The following LOC400499 variants were observed in gnomAD, a reference collection of about 807,000 sequenced individuals.
chr16:11,524,837 G>A, the LOC400499 span, among the ~76,000 whole-genome samples: 5 of 150,700 alleles, frequency 3.3e-5, no homozygotes, highest in Admixed American at 1.3e-4. Context: ...ATCTTTCCCA[G>A]GCATCACCCG....
chr16:11,442,954 AG>A, the LOC400499 span, among the ~76,000 whole-genome samples: 1 of 152,100 alleles, frequency 6.6e-6, no homozygotes, highest in African/African-American at 2.4e-5. Flanking sequence ...TGGTGAAGGG[AG>A]CCCCCAGAAA....
At chr16:11,462,042 A>G in the LOC400499 span, 13 of 1,301,230 alleles carry the variant, frequency 1.0e-5, no homozygotes, top group African/African-American at 1.1e-4. Flanking sequence ...GATGAGGACC[A>G]TAAGGAGGCA....
chr16:11,455,732 C>G, the LOC400499 span, among the ~76,000 whole-genome samples: 5 of 94,332 alleles, frequency 5.3e-5, no homozygotes, highest in African/African-American at 2.1e-4. Flanking sequence ...AAGACTCCGT[C>G]TCAAAAAAGA....
At chr16:11,438,534 G>A in the LOC400499 span, among the ~76,000 whole-genome samples, 304 of 148,500 alleles carry the variant, frequency 2.0e-3, 2 homozygotes, top group African/African-American at 7.3e-3. Context: ...ACCTTGGGAG[G>A]CCAAGGGAAG....
At chr16:11,476,887 A>G in the LOC400499 span, 2 of 399,494 alleles carry the variant, frequency 5.0e-6, no homozygotes, top group Non-Finnish European at 8.8e-6. Context: ...CACCCACCTC[A>G]GCCCGGCCTG....
chr16:11,419,979 C>T, the LOC400499 span, among the ~76,000 whole-genome samples: 4 of 150,750 alleles, frequency 2.7e-5, no homozygotes, highest in Non-Finnish European at 4.4e-5. Flanking sequence ...AATAGGAACA[C>T]TTTTACACTG....
the LOC400499 span, among the ~76,000 whole-genome samples, chr16:11,467,952 G>A: frequency 1.3e-5 from 2 of 152,182 alleles, no homozygotes; most frequent in Admixed American, 1.3e-4. Context: ...GGGGATGTGT[G>A]GACACAGACA....
chr16:11,398,324 C>A, the LOC400499 span: 892 of 1,232,176 alleles, frequency 7.2e-4, 6 homozygotes, highest in African/African-American at 0.012. Context: ...CCTCCAGCTG[C>A]CCCCTTCTGC....
the LOC400499 span, chr16:11,487,149 G>A: frequency 2.5e-6 from 1 of 397,654 alleles, no homozygotes; most frequent in Non-Finnish European, 4.4e-6. Flanking sequence ...TAGGGGAGGA[G>A]ATTGAACAAT....
the LOC400499 span, chr16:11,450,943 T>A: frequency 1.2e-6 from 1 of 867,042 alleles, no homozygotes; most frequent in Non-Finnish European, 1.7e-6. Context: ...TGGGAATAAC[T>A]AGGCATGAGG....
chr16:11,520,573 A>G, the LOC400499 span, among the ~76,000 whole-genome samples: 8 of 151,254 alleles, frequency 5.3e-5, no homozygotes, highest in Non-Finnish European at 8.8e-5. Flanking sequence ...AGGCTGACGC[A>G]GGAGAATCGC....
chr16:11,445,331 G>A, the LOC400499 span, among the ~76,000 whole-genome samples: 2 of 151,852 alleles, frequency 1.3e-5, no homozygotes, highest in Admixed American at 6.6e-5. Context: ...TGAGGCAGAA[G>A]AATCACTTGA....
At chr16:11,448,664 C>G in the LOC400499 span, among the ~76,000 whole-genome samples, 2 of 152,084 alleles carry the variant, frequency 1.3e-5, no homozygotes, top group African/African-American at 2.4e-5. Flanking sequence ...ACATTCGAGG[C>G]TGCAGTGAGC....
chr16:11,429,594 C>T, the LOC400499 span, among the ~76,000 whole-genome samples: 1 of 152,150 alleles, frequency 6.6e-6, no homozygotes, highest in East Asian at 1.9e-4. Flanking sequence ...GTGCCTCAGC[C>T]TCCTGAGTAG....
chr16:11,477,738 C>T, the LOC400499 span: 7 of 397,298 alleles, frequency 1.8e-5, no homozygotes, highest in East Asian at 3.6e-5. Context: ...CTTACCCATA[C>T]GGATGTCACC....
chr16:11,413,243 G>A, the LOC400499 span, among the ~76,000 whole-genome samples: 12 of 152,260 alleles, frequency 7.9e-5, no homozygotes, highest in East Asian at 1.9e-3. Context: ...TGACCTCGAG[G>A]CCAGGAAAGG....
the LOC400499 span, chr16:11,514,652 A>T: frequency 1.0e-5 from 4 of 398,066 alleles, no homozygotes; most frequent in African/African-American, 4.1e-5. Flanking sequence ...TAGACCCCCC[A>T]TTCCCCACTC....
At chr16:11,410,265 A>G in the LOC400499 span, among the ~76,000 whole-genome samples, 2 of 152,146 alleles carry the variant, frequency 1.3e-5, no homozygotes, top group African/African-American at 4.8e-5. Context: ...ACCAGCCTGG[A>G]TATCACGGTG....
the LOC400499 span, among the ~76,000 whole-genome samples, chr16:11,405,152 CCTCT>C: frequency 3.3e-5 from 5 of 152,306 alleles, no homozygotes; most frequent in East Asian, 9.6e-4. Flanking sequence ...CATTTTTCAA[CCTCT>C]CTGAGCCTCA....
Sources: gnomAD v4.1 joint callset for allele counts (sites outside exome capture counted in the v4.1 genomes callset) on GRCh38, gnomAD v4.1.1 for gene constraint, MANE v1.5 for transcripts.